CSMD3: variants seen among roughly 807,000 people sequenced by gnomAD.
The protein encoded by CSMD3 is CUB and Sushi multiple domains 3.
In CSMD3, 177 loss-of-function variants were observed where a neutral mutation model predicts 435.2. The ratio of observed to expected loss-of-function variants is 0.41; its 90% confidence interval spans 0.36 to 0.46. CSMD3 has a LOEUF of 0.46. CSMD3 is among the 20% of genes least tolerant of loss of function. The pLI is 0.34. For synonymous variants in CSMD3, 1,656 were observed against 1,520.5 expected (o/e 1.09, Z -2.07); for missense variants, 4,265 against 4,504.6 (o/e 0.95, Z 1.52).
chr8:112,456,290 G>A (rs1440686606), intron 32 of CSMD3, among the ~76,000 whole-genome samples: 2 of 152,100 alleles, frequency 1.3e-5, no homozygotes, highest in Non-Finnish European at 2.9e-5. Context: ...CAGCAAAAAT[G>A]AAGGGAGATA....
chr8:113,396,772 T>G (rs559637791), intron 1 of CSMD3, among the ~76,000 whole-genome samples: 17 of 152,272 alleles, frequency 1.1e-4, no homozygotes, highest in African/African-American at 3.8e-4. Flanking sequence ...GTCTAACACA[T>G]AAAACATAAG....
chr8:113,394,584 C>T (rs565931101), intron 1 of CSMD3, among the ~76,000 whole-genome samples: 2 of 152,132 alleles, frequency 1.3e-5, no homozygotes, highest in African/African-American at 2.4e-5. Flanking sequence ...TACCTCTTCA[C>T]AATGTGTTTT....
intron 1 of CSMD3, among the ~76,000 whole-genome samples, chr8:113,400,900 G>T (rs548307549): frequency 7.1e-4 from 108 of 151,814 alleles, no homozygotes; most frequent in African/African-American, 2.4e-3. Context: ...TAATTATTAA[G>T]TTTGATTGGA....
chr8:112,680,463 G>C (rs543892372), intron 16 of CSMD3, among the ~76,000 whole-genome samples: 1 of 152,252 alleles, frequency 6.6e-6, no homozygotes, highest in East Asian at 1.9e-4. Context: ...ATGGGCTCCG[G>C]CAAAAAGAAT....
chr8:112,877,344 C>A (rs1047955298), intron 10 of CSMD3, among the ~76,000 whole-genome samples: 10 of 151,910 alleles, frequency 6.6e-5, no homozygotes, highest in Non-Finnish European at 1.5e-4. Flanking sequence ...CGGCTCACTG[C>A]AACCTCTGCC....
At chr8:112,811,158 A>G (rs1313042989) in intron 12 of CSMD3, among the ~76,000 whole-genome samples, 9 of 108,154 alleles carry the variant, frequency 8.3e-5, no homozygotes, top group Admixed American at 4.5e-4. Flanking sequence ...ATAACTGCAA[A>G]CTGCCCAGAG....
intron 20 of CSMD3, among the ~76,000 whole-genome samples, chr8:112,642,255 T>C (rs2074851229): frequency 6.6e-6 from 1 of 152,130 alleles, no homozygotes; most frequent in African/African-American, 2.4e-5. Flanking sequence ...GTCCAACTTC[T>C]AAAAGTCTAA....
rs140819317 is a variant in CSMD3, at chr8:113,256,380, G to A, written c.514+22212C>T. The stretch of plus-strand genomic sequence containing the variant: ...TACAAAGAAATACATGCTCAGCACC[G>A]ACACCATTCCTTATTCCCCAGATTA... On this transcript the variant is annotated intron_variant, in intron 3 of 70. Coordinates refer to ENST00000297405, the MANE Select transcript of CSMD3 (RefSeq NM_198123.2). Among the ~76,000 whole-genome samples, 119 of 152,146 alleles carry A rather than the reference G, an allele frequency of 7.8e-4. No individual in the cohort carries two copies. The Middle Eastern group carries it at 0.01, about 13-fold the overall frequency.
chr8:112,855,090 G>A (rs2129785625), intron 11 of CSMD3, among the ~76,000 whole-genome samples: 1 of 152,258 alleles, frequency 6.6e-6, no homozygotes, highest in East Asian at 1.9e-4. Flanking sequence ...CCAAATGCAT[G>A]TTGAAATCAT....
At chr8:113,075,213 A>C (rs1355324614) in intron 5 of CSMD3, among the ~76,000 whole-genome samples, 1 of 151,814 alleles carries the variant, frequency 6.6e-6, no homozygotes, top group East Asian at 1.9e-4. Flanking sequence ...ACAAATTTTA[A>C]TAATCATATA....
chr8:112,489,215 C>T (rs977434717), intron 31 of CSMD3, among the ~76,000 whole-genome samples: 3 of 151,738 alleles, frequency 2.0e-5, no homozygotes, highest in South Asian at 2.1e-4. Context: ...GCCAGTAGTT[C>T]GAGACCAGCC....
At chr8:113,263,551 T>C (rs1016881350) in intron 3 of CSMD3, among the ~76,000 whole-genome samples, 1 of 151,894 alleles carries the variant, frequency 6.6e-6, no homozygotes, top group Non-Finnish European at 1.5e-5. Context: ...TTATTATGAC[T>C]TTGCAAGAAC....
chr8:112,897,692 C>CTGTGTGTGTGTGTGTG (rs1172828603), intron 10 of CSMD3, among the ~76,000 whole-genome samples: 1 of 56,986 alleles, frequency 1.8e-5, no homozygotes, highest in African/African-American at 5.2e-5. Context: ...CTCTCTCTCT[C>CTGTGTGTGTGTGTGTG]TCTGTGTGTG....
At chr8:112,673,176 A>T (rs1395220149) in intron 16 of CSMD3, among the ~76,000 whole-genome samples, 1 of 152,034 alleles carries the variant, frequency 6.6e-6, no homozygotes, top group African/African-American at 2.4e-5. Context: ...TGTTCCTTAA[A>T]AAAAAAAACT....
rs2094556352 is a variant in CSMD3 at position 113,410,937 on chromosome 8, G to GAAAGAAAGAAAA, written c.178+25739_178+25740insTTTTCTTTCTTT. Reference sequence around the variant, plus strand: ...AGAAAGAAAGAAAGAAAGAAAGAAAGAAAGAAAGAAAGAAAGAGAAGGGAG... The same window carrying GAAAGAAAGAAAA: ...AGAAAGAAAGAAAGAAAGAAAGAAAGAAAGAAAGAAAAAAAGAAAGAAAGAAAGAGAAGGGAG... On this transcript the variant is annotated intron_variant, in intron 1 of 70. Transcript: ENST00000297405. Among the ~76,000 whole-genome samples the GAAAGAAAGAAAA allele has an allele frequency of 4.2e-5, 6 of 141,476 alleles. No homozygotes were observed. In the South Asian group the frequency reaches 9.0e-4, roughly 21 times the overall value. The allele number at this position is 141,476 out of a possible 152,430, so 92.8% of individuals were successfully genotyped here.
chr8:113,336,959 T>C (rs2094080279), intron 1 of CSMD3, among the ~76,000 whole-genome samples: 1 of 152,082 alleles, frequency 6.6e-6, no homozygotes, highest in South Asian at 2.1e-4. Flanking sequence ...TTTTTTGCTG[T>C]GGATAAGGGT....
chr8:112,375,412 G>A (rs545810112), intron 38 of CSMD3, among the ~76,000 whole-genome samples: 4 of 152,006 alleles, frequency 2.6e-5, no homozygotes, highest in African/African-American at 7.2e-5. Flanking sequence ...TGTCTTTCCC[G>A]TCAAAGATGT....
At chr8:112,668,712 C>A (rs1044872573) in intron 16 of CSMD3, among the ~76,000 whole-genome samples, 2 of 151,722 alleles carry the variant, frequency 1.3e-5, no homozygotes, top group African/African-American at 4.8e-5. Flanking sequence ...TGGAATTTCC[C>A]AAAATTATTC....
At chr8:113,030,423 A>AAAG (rs796610347) in intron 5 of CSMD3, among the ~76,000 whole-genome samples, 11,380 of 120,760 alleles carry the variant, frequency 0.094, 1,549 homozygotes, top group African/African-American at 0.23. Context: ...CTGGTAAAAA[A>AAAG]AAAAAAAAAA....
Sources: gnomAD v4.1 joint callset for allele counts (sites outside exome capture counted in the v4.1 genomes callset) on GRCh38, gnomAD v4.1.1 for gene constraint, MANE v1.5 for transcripts, NCBI Gene and HGNC (gene_info 2026-07-23, HGNC 2026-07-21) for gene names.